The following TAOK2 variants were observed in gnomAD, a reference collection of about 807,000 sequenced individuals.
TAOK2 encodes the protein TAO kinase 2.
Under a neutral mutation model 122.5 loss-of-function variants are expected in TAOK2, and 42 were observed. The observed-to-expected ratio is 0.34, with a 90% CI of 0.27 to 0.44. TAOK2 has a LOEUF of 0.44. Ranked by LOEUF, TAOK2 falls within the 20% of genes least tolerant of loss-of-function variation. TAOK2 has a pLI of 1.00. For missense variants in TAOK2, 1,264 were observed against 1,644.9 expected (o/e 0.77, Z 4.01); for synonymous variants, 704 against 677.6 (o/e 1.04, Z -0.61).
At chr16:29,989,362 T>C, downstream of TAOK2, 3 of 985,218 alleles carry the variant, frequency 3.0e-6, no homozygotes, top group Non-Finnish European at 3.6e-6. Flanking sequence ...TCCTGATCTC[T>C]CTCAACACGA....
rs892257954 is a variant in TAOK2, at chr16:29,982,850, G to C, written c.948G>C (p.Leu316=). 6.2e-7 allele frequency: 1 copy of C among 1,614,104 alleles called. No homozygotes were observed. The highest frequency in any genetic ancestry group is 8.5e-7 in the Non-Finnish European group (1 of 1,179,990). ...NLQYRKMKKI[L]FQEAPNGPGA... ...AGTACCGCAAGATGAAGAAGATCCT[G>C]TTCCAAGAGGCACCCAACGGCCCTG... Residue 316 remains leucine, a synonymous_variant, in exon 11 of 16, where the codon CTG becomes CTC. Transcript: ENST00000308893.
Position 29,974,021 on chromosome 16 carries a change from AAG to A in TAOK2, c.-657_-656del, listed in dbSNP as rs986136855. The A allele has an allele frequency of 3.3e-5, 5 of 152,420 alleles. No individual in the cohort carries two copies. The highest frequency in any genetic ancestry group is 3.3e-4 in the Admixed American group (5 of 15,278). 9.4% of individuals were successfully genotyped at this position (152,420 alleles called of 1,614,324 possible). On this transcript the variant is annotated 5_prime_UTR_variant, in exon 1 of 16. Transcript: ENST00000308893. ...GCTACAATCGTTCAGCTATTCTCGG[AAG>A]AGAGAAGGGAGAGGGAGGAGGCCGG...
Position 29,987,691 on chromosome 16 carries a change from C to T in TAOK2, c.3419C>T (p.Thr1140Ile). 1.9e-6 allele frequency: 3 copies of T among 1,614,078 alleles called. No homozygotes were observed. Among genetic ancestry groups the T allele is most frequent in the Non-Finnish European group, 2.5e-6 (3 of 1,179,960 alleles). The change falls in exon 16 of 16, where the codon ACC becomes ATC. Residue 1140 changes from threonine to isoleucine, a missense_variant. Thr to Ile is a moderately conservative substitution (Grantham distance 89, BLOSUM62 -1). Coordinates refer to ENST00000308893, the MANE Select transcript of TAOK2 (RefSeq NM_016151.4). ...PGPRRRNPRT[T>I]QHPLALLARV... ...CCCCGGCGGCGTAATCCCCGCACCA[C>T]CCAACACCCATTAGCTCTGTTGGCA...
chr16:29,987,174 C>T lies in TAOK2; in HGVS notation c.2902C>T (p.Leu968Phe). The change falls in exon 16 of 16, where the codon CTC (leucine) becomes TTC (phenylalanine). Residue 968 changes from leucine (L) to phenylalanine (F), a missense_variant. Physicochemically the swap from Leu to Phe is conservative, Grantham distance 22. Coordinates refer to ENST00000308893, the MANE Select transcript of TAOK2 (RefSeq NM_016151.4). The part of the protein sequence containing the change: ...AVGSSSGLLP[L>F]LLLLLLPLLA... ...GGGGTCCTCCTCTGGCCTCCTGCCCCTCCTGCTGCTGCTGCTGCTTCCATT... is the reference window on the plus strand; with the variant it reads ...GGGGTCCTCCTCTGGCCTCCTGCCCTTCCTGCTGCTGCTGCTGCTTCCATT... 1 of 1,561,830 alleles carries T rather than the reference C, an allele frequency of 6.4e-7. No homozygotes were observed. The highest frequency in any genetic ancestry group is 1.2e-5 in the South Asian group (1 of 81,526).
intron 10 of TAOK2, 63 bp downstream of exon 10, chr16:29,982,003 C>A: frequency 7.0e-7 from 1 of 1,419,898 alleles, no homozygotes; most frequent in Non-Finnish European, 9.8e-7. Flanking sequence ...CAAGAACCCC[C>A]AGGGAAATTA....
chr16:29,987,118 A>G lies in TAOK2; in HGVS notation c.2846A>G (p.His949Arg). ...AGCCAGCTCCCTGGACTCCTGTCCC[A>G]TGGCCTCCTGGCCGGCCTCTCCTTT... is the stretch of plus-strand genomic sequence containing the variant. Reference protein sequence around the residue: ...PASQLPGLLSHGLLAGLSFAV... With the variant: ...PASQLPGLLSRGLLAGLSFAV... Residue 949 changes from histidine (H) to arginine (R), a missense_variant, in exon 16 of 16, where the codon CAT (histidine) becomes CGT (arginine). By Grantham distance (29) the His-to-Arg change is conservative (BLOSUM62 0). Transcript: ENST00000308893. 1 of 1,609,334 alleles carries G rather than the reference A, an allele frequency of 6.2e-7. No homozygotes were observed. Among genetic ancestry groups the G allele is most frequent in the Non-Finnish European group, 8.5e-7 (1 of 1,177,738 alleles).
chr16:29,990,727 G>A (rs1469847448), downstream of TAOK2: 1 of 1,535,024 alleles, frequency 6.5e-7, no homozygotes, highest in Non-Finnish European at 8.8e-7. Flanking sequence ...CTGGGGCAGG[G>A]GAGGATAGTG....
chr16:29,985,559 G>A lies in TAOK2; in HGVS notation c.1769G>A (p.Arg590His), dbSNP rs770907647. Residue 590 changes from arginine to histidine, a missense_variant, in exon 14 of 16, where the codon CGC (arginine) becomes CAC (histidine). Transcript: ENST00000308893. This position sits in a 1 kb window ranked among gnomAD's most constrained non-coding sequence, Gnocchi z 6.9. ...LEAQKRTYKLRKEQLKEELQE... is the reference protein window; with the variant it reads ...LEAQKRTYKLHKEQLKEELQE... ...GCACAGAAGCGGACCTACAAACTTC[G>A]CAAGGAACAGCTGAAGGAGGTGAGC... The A allele has an allele frequency of 6.9e-6, 11 of 1,602,230 alleles. No individual in the cohort carries two copies. Among genetic ancestry groups the A allele is most frequent in the South Asian group, 2.2e-5 (2 of 89,884 alleles).
Position 29,985,099 on chromosome 16 carries a change from A to G in TAOK2, c.1423-114A>G. On this transcript the variant is annotated intron_variant, in intron 13 of 15. Coordinates refer to ENST00000308893, the MANE Select transcript of TAOK2 (RefSeq NM_016151.4). The surrounding 1 kb of genome is among the most constrained non-coding windows in gnomAD (Gnocchi z 6.9). ...TGGCCGTGTGTGAGGAAGGTGTTAA[A>G]TGAGAATGAAACCCATGAGTTGAAA... 2 of 1,331,952 alleles carry G rather than the reference A, an allele frequency of 1.5e-6. No individual in the cohort carries two copies. Among genetic ancestry groups the G allele is most frequent in the Non-Finnish European group, 2.0e-6 (2 of 1,021,078 alleles). The allele number at this position is 1,331,952 out of a possible 1,614,324, so 82.5% of individuals were successfully genotyped here.
Position 29,985,938 on chromosome 16 carries a change from C to T in TAOK2, c.1992+77C>T. The stretch of plus-strand genomic sequence containing the variant: ...CCCACCCTTTTCCATTTTCCTCATT[C>T]TTGTCTTCTTTCTCCTTGGCCCTCG... On this transcript the variant is annotated intron_variant, in intron 15 of 15. Transcript: ENST00000308893. The surrounding 1 kb of genome is among the most constrained non-coding windows in gnomAD (Gnocchi z 6.9). 6.6e-7 allele frequency: 1 copy of T among 1,505,012 alleles called. No individual in the cohort carries two copies. Among genetic ancestry groups the T allele is most frequent in the East Asian group, 2.4e-5 (1 of 41,648 alleles). The allele number at this position is 1,505,012 out of a possible 1,614,324, so 93.2% of individuals were successfully genotyped here.
chr16:29,983,606 G>T lies in TAOK2; in HGVS notation c.1364G>T (p.Arg455Leu). The T allele has an allele frequency of 6.2e-7, 1 of 1,613,598 alleles. No individual in the cohort carries two copies. Among genetic ancestry groups the T allele is most frequent in the Non-Finnish European group, 8.5e-7 (1 of 1,179,986 alleles). Residue 455 changes from arginine to leucine, a missense_variant, in exon 13 of 16, where the codon CGC (arginine) becomes CTC (leucine). By Grantham distance (102) the Arg-to-Leu change is moderately radical. Coordinates refer to ENST00000308893, the MANE Select transcript of TAOK2 (RefSeq NM_016151.4). The part of the protein sequence containing the change: ...PAPTSTTSSA[R>L]RRAYCRNRDH... ...CCCACTTCCACCACCTCTTCCGCCC[G>T]CCGCCGGGCCTACTGCCGTAACCGA... is the stretch of plus-strand genomic sequence containing the variant.
At chr16:29,977,199 T>C (rs560574403) in intron 1 of TAOK2, among the ~76,000 whole-genome samples, 1 of 152,214 alleles carries the variant, frequency 6.6e-6, no homozygotes, top group South Asian at 2.1e-4. Flanking sequence ...AGAGTGACTT[T>C]GCGGGCTCCT....
intron 2 of TAOK2, 72 bp downstream of exon 2, chr16:29,977,976 T>C (rs574532333): frequency 6.2e-7 from 1 of 1,612,394 alleles, no homozygotes; most frequent in African/African-American, 1.3e-5. Context: ...CCAACAGCCC[T>C]TGCACACTAC....
Position 29,978,328 on chromosome 16 carries a change from G to A in TAOK2, c.281G>A (p.Cys94Tyr). 1 of 1,614,172 alleles carries A rather than the reference G, an allele frequency of 6.2e-7. No homozygotes were observed. Among genetic ancestry groups the A allele is most frequent in the Non-Finnish European group, 8.5e-7 (1 of 1,180,030 alleles). ...CCCAACACCATTCAGTACCGGGGCT[G>A]TTACCTGAGGGAGCACACGGCTTGG... Reference protein sequence around the residue: ...RHPNTIQYRGCYLREHTAWLV... With the variant: ...RHPNTIQYRGYYLREHTAWLV... The change falls in exon 4 of 16, where the codon TGT (cysteine) becomes TAT (tyrosine). Residue 94 changes from cysteine to tyrosine, a missense_variant. Transcript: ENST00000308893.
At chr16:29,981,328 C>G in intron 8 of TAOK2, 1 of 559,882 alleles carries the variant, frequency 1.8e-6, no homozygotes, top group Non-Finnish European at 3.2e-6. Flanking sequence ...TTTATCTTCC[C>G]CATAGCAATT....
chr16:29,982,166 A>G (rs911704154), intron 10 of TAOK2, among the ~76,000 whole-genome samples: 2 of 152,214 alleles, frequency 1.3e-5, no homozygotes, highest in Non-Finnish European at 2.9e-5. Context: ...TTATTAATCA[A>G]AGATTTATAT....
At chr16:29,989,940 C>T (rs2069928006), downstream of TAOK2, 33 of 750,256 alleles carry the variant, frequency 4.4e-5, no homozygotes, top group South Asian at 3.7e-4. Flanking sequence ...TCCCTCTGTT[C>T]GTGTTCTCCA....
chr16:29,979,099 G>A lies in TAOK2; in HGVS notation c.449+29G>A, dbSNP rs766613867. 2.5e-6 allele frequency: 4 copies of A among 1,613,220 alleles called. No homozygotes were observed. The highest frequency in any genetic ancestry group is 3.4e-6 in the Non-Finnish European group (4 of 1,179,310). The stretch of plus-strand genomic sequence containing the variant: ...CAAGCAGCACCGGCAGTGCCTGGGA[G>A]GGGAGTGCTATCTGCACCACCTGTC... On this transcript the variant is annotated intron_variant, in intron 6 of 15. Transcript: ENST00000308893. The surrounding 1 kb of genome is among the most constrained non-coding windows in gnomAD (Gnocchi z 4.1).
chr16:29,982,747 T>C lies in TAOK2; in HGVS notation c.845T>C (p.Leu282Pro). The C allele has an allele frequency of 6.2e-7, 1 of 1,613,566 alleles. No individual in the cohort carries two copies. The highest frequency in any genetic ancestry group is 8.5e-7 in the Non-Finnish European group (1 of 1,179,702). Residue 282 changes from leucine to proline, a missense_variant, in exon 11 of 16, where the codon CTC (leucine) becomes CCC (proline). By Grantham distance (98) the Leu-to-Pro change is moderately conservative. This residue lies in a region of TAOK2 where 254 missense variants were observed against 503.8 expected (regional missense o/e 0.50). Coordinates refer to ENST00000308893, the MANE Select transcript of TAOK2 (RefSeq NM_016151.4). ...CTCTTCCCCCAGCACCGCTTTGTGC[T>C]CCGGGAGCGGCCACCCACAGTCATC... ...SEVLLKHRFV[L>P]RERPPTVIMD...
Sources: gnomAD v4.1 joint callset for allele counts (sites outside exome capture counted in the v4.1 genomes callset) on GRCh38, gnomAD v4.1.1 for gene constraint, gnomAD v4.1.1 regional missense constraint, Gnocchi (gnomAD v3.1) non-coding constraint, MANE v1.5 for transcripts, NCBI Gene and HGNC (gene_info 2026-07-23, HGNC 2026-07-21) for gene names.